The following GCN1 variants were observed in gnomAD, a reference collection of about 807,000 sequenced individuals.
GCN1 encodes stalled ribosome sensor GCN1.
GCN1 carries 90 observed loss-of-function variants against 288.4 expected under a neutral mutation model. The ratio of observed to expected loss-of-function variants is 0.31; its 90% CI spans 0.26 to 0.37. GCN1 has a LOEUF of 0.37. Among genes scored for constraint, GCN1 ranks in the 10% least tolerant of loss-of-function variants. The probability of loss-of-function intolerance (pLI) is 1.00; values close to 1 mark genes in which losing one functional copy is unlikely to be tolerated. For missense variants in GCN1, 2,586 were observed against 3,419.9 expected, an observed-to-expected ratio of 0.76 and a Z score of 6.08; for synonymous variants, 1,386 against 1,420.2, an observed-to-expected ratio of 0.98 and a Z score of 0.54.
At chr12:120,184,940 G>A (rs550850101) in intron 2 of GCN1, 53 bp from the exon 3 acceptor site, 62 of 1,216,506 alleles carry the variant, frequency 5.1e-5, no homozygotes, top group South Asian at 2.9e-4. Flanking sequence ...TTGGTAAGCC[G>A]CTGGAGTCAG....
At chr12:120,166,838 C>G (rs1238630205) in intron 16 of GCN1, among the ~76,000 whole-genome samples, 1 of 151,552 alleles carries the variant, frequency 6.6e-6, no homozygotes, top group Non-Finnish European at 1.5e-5. Flanking sequence ...TGGTGAAACC[C>G]CCGTCTCTTA....
At chr12:120,194,508 G>T (rs1008818165) in intron 1 of GCN1, among the ~76,000 whole-genome samples, 172 bp downstream of exon 1, 15 of 152,002 alleles carry the variant, frequency 9.9e-5, no homozygotes, top group African/African-American at 3.1e-4. Flanking sequence ...CGCCGCCCGG[G>T]CCGGGCCAAG....
chr12:120,176,058 C>G, intron 10 of GCN1, 85 bp downstream of exon 10: 1 of 1,255,068 alleles, frequency 8.0e-7, no homozygotes, highest in Non-Finnish European at 1.2e-6. Flanking sequence ...CCTGAGCTGT[C>G]CCCTACCCCT....
chr12:120,145,135 A>T, intron 39 of GCN1, 74 bp from the exon 40 acceptor site: 1 of 1,574,380 alleles, frequency 6.4e-7, no homozygotes, highest in Non-Finnish European at 8.7e-7. Context: ...GGGAGCAGGA[A>T]GGGGCACCGA....
Position 120,153,792 on chromosome 12 carries a change from C to T in GCN1, c.3819G>A (p.Arg1273=), listed in dbSNP as rs1440370100. The T allele has an allele frequency of 6.2e-7, 1 of 1,614,180 alleles. No individual in the cohort carries two copies. Among genetic ancestry groups the T allele is most frequent in the Non-Finnish European group, 8.5e-7 (1 of 1,180,022 alleles). The change falls in exon 32 of 58, where the codon CGG becomes CGA. Residue 1273 remains arginine (R), a synonymous_variant. Transcript: ENST00000300648. The surrounding 1 kb of genome is among the most constrained non-coding windows in gnomAD (Gnocchi z 4.4). Reference sequence around the variant, plus strand: ...CGAGGGCTGCATCCAACATGCACTTCCGGACATCTGGGTGTCGGTCATTGA... The same window carrying T: ...CGAGGGCTGCATCCAACATGCACTTTCGGACATCTGGGTGTCGGTCATTGA... ...DALNDRHPDV[R]KCMLDAALAT...
chr12:120,133,165 G>T (rs7957942), intron 53 of GCN1, among the ~76,000 whole-genome samples: 3,559 of 152,280 alleles, frequency 0.023, 166 homozygotes, highest in African/African-American at 0.082. Context: ...AAGTGCAGCA[G>T]CAAGTGTGTG....
intron 5 of GCN1, among the ~76,000 whole-genome samples, chr12:120,179,833 C>T (rs745371634): frequency 1.3e-5 from 2 of 152,216 alleles, no homozygotes; most frequent in Non-Finnish European, 2.9e-5. Flanking sequence ...GTTTCATTTA[C>T]TTCTTATCTG....
At chr12:120,170,133 CT>C (rs1878271573) in intron 15 of GCN1, 35 bp downstream of exon 15, 1 of 1,596,240 alleles carries the variant, frequency 6.3e-7, no homozygotes, top group Admixed American at 1.7e-5. Flanking sequence ...TCAGAGGCCC[CT>C]GTCTCTACCA....
chr12:120,190,562 G>A lies in GCN1; in HGVS notation c.19-162C>T, dbSNP rs542716222. On this transcript the variant is annotated intron_variant, in intron 1 of 57. Coordinates refer to ENST00000300648, the MANE Select transcript of GCN1 (RefSeq NM_006836.2). The stretch of plus-strand genomic sequence containing the variant: ...CCGGGTAATTCTGGTTGTGGGGGCC[G>A]TGTTTTTAGCAGCATTCCAGGTCTC... Among the ~76,000 whole-genome samples, 67 of 152,192 alleles carry A rather than the reference G, an allele frequency of 4.4e-4. No homozygotes were observed. In the South Asian group the frequency reaches 0.01, roughly 23 times the overall value.
In GCN1 at chr12:120,137,401, G is replaced by A. The variant is rs1428515095; in HGVS notation, c.6664-82C>T. 43 of 1,413,400 alleles carry A rather than the reference G, an allele frequency of 3.0e-5. No homozygotes were observed. Among genetic ancestry groups the A allele is most frequent in the South Asian group, 1.3e-4 (11 of 86,690 alleles). The allele number at this position is 1,413,400 out of a possible 1,614,324, so 87.6% of individuals were successfully genotyped here. ...AAGAATATATGGGGAAAGCGTGGGC[G>A]GGAGTATAAACAAGACTTGCCACGA... On this transcript the variant is annotated intron_variant, in intron 49 of 57. Coordinates refer to ENST00000300648, the MANE Select transcript of GCN1 (RefSeq NM_006836.2). The surrounding 1 kb of genome is among the most constrained non-coding windows in gnomAD (Gnocchi z 5.2).
chr12:120,174,896 C>T (rs7135914), intron 12 of GCN1, among the ~76,000 whole-genome samples: 31,298 of 151,116 alleles, frequency 0.21, 3,866 homozygotes, highest in East Asian at 0.56. Context: ...GAGGCTGAGG[C>T]GGGCAGATCA....
At chr12:120,175,278 C>T in intron 11 of GCN1, 66 bp from the exon 12 acceptor site, 2 of 1,371,924 alleles carry the variant, frequency 1.5e-6, no homozygotes, top group Non-Finnish European at 2.1e-6. Context: ...GTGAACAATG[C>T]AGTCACGTGT....
In GCN1 at chr12:120,183,660, G is replaced by A; in HGVS notation, c.335C>T (p.Ala112Val). ...AGVPSKSSGSAALLALTWTCL... is the reference protein window; with the variant it reads ...AGVPSKSSGSVALLALTWTCL... ...GGTCCAGGTCAAGGCCAGCAAGGCG[G>A]CAGAGCCACTGCTCTTACTGCAGAG... The change falls in exon 5 of 58, where the codon GCC (alanine) becomes GTC (valine). Residue 112 changes from alanine to valine, a missense_variant. Around this residue, in one of 8 missense-constraint regions of GCN1, gnomAD observed 913 missense variants for 1,107.0 expected, o/e 0.82. Coordinates refer to ENST00000300648, the MANE Select transcript of GCN1 (RefSeq NM_006836.2). 6.2e-7 allele frequency: 1 copy of A among 1,610,594 alleles called. No homozygotes were observed. The highest frequency in any genetic ancestry group is 8.5e-7 in the Non-Finnish European group (1 of 1,176,872).
At position 120,138,726 on chromosome 12, in the gene GCN1, T is replaced by C. The variant is rs759668070; in HGVS notation, c.6125A>G (p.Glu2042Gly). Residue 2042 changes from glutamate (E) to glycine (G), a missense_variant, in exon 46 of 58, where the codon GAG (glutamate) becomes GGG (glycine). Physicochemically the swap from Glu to Gly is moderately conservative, Grantham distance 98. This residue lies in a region of GCN1 where 437 missense variants were observed against 570.5 expected (regional missense o/e 0.77). Transcript: ENST00000300648. ...CTTTAGTAAAAATGGGAGAATGTCC[T>C]CCAGAGCCTGGTGGCCGATGGTGGA... ...LHSTIGHQAL[E>G]DILPFLLKQL... 3 of 1,614,156 alleles carry C rather than the reference T, an allele frequency of 1.9e-6. No individual in the cohort carries two copies. The highest frequency in any genetic ancestry group is 1.3e-5 in the African/African-American group (1 of 75,052).
intron 23 of GCN1, 57 bp from the exon 24 acceptor site, chr12:120,160,080 C>T: frequency 3.1e-6 from 5 of 1,589,876 alleles, no homozygotes; most frequent in Non-Finnish European, 4.3e-6. Context: ...TGACAGCAAG[C>T]AGCAGGACCA....
chr12:120,161,842 G>T (rs760544415), intron 21 of GCN1, 38 bp downstream of exon 21: 2 of 1,594,516 alleles, frequency 1.3e-6, no homozygotes, highest in South Asian at 1.1e-5. Flanking sequence ...CTATGCCTTG[G>T]GGAGCAAAGG....
In GCN1 at chr12:120,147,133, T is replaced by C. The variant is rs1043260617; in HGVS notation, c.4866A>G (p.Arg1622=). 1.2e-6 allele frequency: 2 copies of C among 1,612,202 alleles called. No individual in the cohort carries two copies. Among genetic ancestry groups the C allele is most frequent in the Non-Finnish European group, 1.7e-6 (2 of 1,178,812 alleles). The change falls in exon 38 of 58, where the codon AGA becomes AGG. Residue 1622 remains arginine (R), a synonymous_variant. Transcript: ENST00000300648. ...SLALIMPIVQ[R]AFQDRSTDTR... ...TGTCCGTGGAACGGTCCTGGAAGGC[T>C]CTCTGGACAATGGGCATGATGAGGG... is the stretch of plus-strand genomic sequence containing the variant.
At position 120,170,324 on chromosome 12, in the gene GCN1, G is replaced by A; in HGVS notation, c.1367-3C>T. On this transcript the variant is annotated splice_region_variant and splice_polypyrimidine_tract_variant and intron_variant, in intron 14 of 57. Coordinates refer to ENST00000300648, the MANE Select transcript of GCN1 (RefSeq NM_006836.2). ...CAGGGCCTGCAACAGCGTGTCACCT[G>A]TGGAGAGAGGACAAGCACCTTAAAG... 1 of 1,613,924 alleles carries A rather than the reference G, an allele frequency of 6.2e-7. No individual in the cohort carries two copies. The highest frequency in any genetic ancestry group is 2.2e-5 in the East Asian group (1 of 44,888).
rs372473275 is a variant in GCN1, at chr12:120,149,564, A to G, written c.4546+42T>C. On this transcript the variant is annotated intron_variant, in intron 36 of 57. Coordinates refer to ENST00000300648, the MANE Select transcript of GCN1 (RefSeq NM_006836.2). ...AGGATCCTTGCTGAGGCTGGTTTTC[A>G]TAACAGGAAGCTGGGAAGAGAGGCA... 3,860 of 1,431,358 alleles carry G rather than the reference A, an allele frequency of 2.7e-3. 23 individuals are homozygous for G. Among genetic ancestry groups the G allele is most frequent in the Non-Finnish European group, 2.5e-3 (2,546 of 1,014,574 alleles). The allele number at this position is 1,431,358 out of a possible 1,614,324, so 88.7% of individuals were successfully genotyped here.
Sources: allele counts gnomAD v4.1 joint callset (sites outside exome capture counted in the v4.1 genomes callset), GRCh38; gene constraint gnomAD v4.1.1; regional missense constraint gnomAD v4.1.1; non-coding constraint Gnocchi (gnomAD v3.1); transcripts MANE v1.5; gene names NCBI Gene and HGNC (gene_info 2026-07-23, HGNC 2026-07-21).